YEATS4: variants seen among roughly 807,000 people sequenced by gnomAD.
YEATS4 encodes YEATS domain containing 4, also known as YEATS domain-containing protein 4.
YEATS4 carries 17 observed loss-of-function variants against 30.1 expected under a neutral mutation model. That is an observed-to-expected ratio of 0.56 (90% CI 0.39 to 0.85). The LOEUF is 0.85. YEATS4 is among the 40% of genes least tolerant of loss of function. The pLI is 0.00. For missense variants in YEATS4, 142 were observed against 268.3 expected, an observed-to-expected ratio of 0.53 and a Z score of 3.29; for synonymous variants, 85 against 87.5, an observed-to-expected ratio of 0.97 and a Z score of 0.16.
the YEATS4 span, among the ~76,000 whole-genome samples, chr12:69,403,172 C>A: frequency 7.9e-5 from 12 of 152,192 alleles, no homozygotes; most frequent in African/African-American, 2.7e-4. Context: ...ATAAGAATCA[C>A]CAACCCCAAG....
intron 6 of YEATS4, among the ~76,000 whole-genome samples, chr12:69,372,495 C>T (rs1324970568): frequency 2.0e-5 from 3 of 150,842 alleles, no homozygotes; most frequent in Non-Finnish European, 4.4e-5. Context: ...CCTTCCTACC[C>T]TCTGGTAACC....
At chr12:69,371,172 G>T (rs1875622391) in intron 6 of YEATS4, among the ~76,000 whole-genome samples, 197 bp downstream of exon 6, 1 of 152,166 alleles carries the variant, frequency 6.6e-6, no homozygotes, top group Non-Finnish European at 1.5e-5. Context: ...CTTTCAAGAA[G>T]GGTGAAAGAC....
At chr12:69,384,986 A>AT (rs564706696) in intron 6 of YEATS4, among the ~76,000 whole-genome samples, 27 of 151,372 alleles carry the variant, frequency 1.8e-4, no homozygotes, top group Admixed American at 5.3e-4. Flanking sequence ...GTGAATGACT[A>AT]TATTTGTCCT....
At chr12:69,426,191 T>A in the YEATS4 span, among the ~76,000 whole-genome samples, 1 of 152,146 alleles carries the variant, frequency 6.6e-6, no homozygotes, top group Non-Finnish European at 1.5e-5. Flanking sequence ...CAGTAAGCCA[T>A]GATTGCACCA....
At chr12:69,414,519 C>A in the YEATS4 span, among the ~76,000 whole-genome samples, 1 of 152,200 alleles carries the variant, frequency 6.6e-6, no homozygotes, top group Non-Finnish European at 1.5e-5. Context: ...GCATGAGCCA[C>A]CATGCCCGAA....
chr12:69,390,093 T>A, intron 6 of YEATS4, 54 bp from the exon 7 acceptor site: 5 of 1,414,612 alleles, frequency 3.5e-6, no homozygotes, highest in Non-Finnish European at 4.8e-6. Flanking sequence ...TACCCTGTCA[T>A]ATATCTTAAA....
intron 6 of YEATS4, among the ~76,000 whole-genome samples, chr12:69,389,154 A>AT (rs1868285571): frequency 6.6e-6 from 1 of 152,164 alleles, no homozygotes; most frequent in Non-Finnish European, 1.5e-5. Flanking sequence ...GATTTTGTTT[A>AT]TAAGTTTCAC....
At chr12:69,417,752 A>C in the YEATS4 span, among the ~76,000 whole-genome samples, 1 of 151,740 alleles carries the variant, frequency 6.6e-6, no homozygotes, top group Admixed American at 6.6e-5. Flanking sequence ...GCCGCTTGTT[A>C]CTGCAGAAAT....
chr12:69,398,274 T>C, the YEATS4 span, among the ~76,000 whole-genome samples: 1 of 151,954 alleles, frequency 6.6e-6, no homozygotes, highest in Non-Finnish European at 1.5e-5. Context: ...TATTTGGAGA[T>C]GACATAATCT....
chr12:69,415,528 T>G, the YEATS4 span, among the ~76,000 whole-genome samples: 2 of 152,104 alleles, frequency 1.3e-5, no homozygotes, highest in Admixed American at 1.3e-4. Context: ...GCCACTGCAC[T>G]CCAGCCTGGG....
At chr12:69,375,656 C>G (rs7962673) in intron 6 of YEATS4, among the ~76,000 whole-genome samples, 35,765 of 152,166 alleles carry the variant, frequency 0.24, 5,042 homozygotes, top group African/African-American at 0.4. Flanking sequence ...ATCCCGGCAC[C>G]TCGGGAGGCC....
At chr12:69,411,873 G>A in the YEATS4 span, among the ~76,000 whole-genome samples, 1 of 152,248 alleles carries the variant, frequency 6.6e-6, no homozygotes, top group Admixed American at 6.5e-5. Flanking sequence ...CAAGGGGAAG[G>A]TAGCAGATGA....
chr12:69,374,895 A>G (rs1875788371), intron 6 of YEATS4, among the ~76,000 whole-genome samples: 1 of 152,046 alleles, frequency 6.6e-6, no homozygotes. Flanking sequence ...GCTGTTAGGT[A>G]CACCTCCCAG....
intron 2 of YEATS4, among the ~76,000 whole-genome samples, chr12:69,363,152 C>T (rs572959312): frequency 5.1e-4 from 77 of 151,882 alleles, no homozygotes; most frequent in Non-Finnish European, 4.9e-4. Context: ...GCCACCACGC[C>T]CGGCTAATTT....
chr12:69,361,955 A>T (rs1875226775), intron 1 of YEATS4, among the ~76,000 whole-genome samples: 1 of 140,592 alleles, frequency 7.1e-6, no homozygotes, highest in Non-Finnish European at 1.5e-5. Flanking sequence ...AAATCAGTTT[A>T]TTTTTTAAAA....
chr12:69,410,833 G>A, the YEATS4 span, among the ~76,000 whole-genome samples: 3 of 152,308 alleles, frequency 2.0e-5, no homozygotes, highest in East Asian at 3.9e-4. Context: ...AGCCTAGACA[G>A]CAGAGCATCC....
At chr12:69,413,253 CAG>C in the YEATS4 span, among the ~76,000 whole-genome samples, 2 of 149,196 alleles carry the variant, frequency 1.3e-5, no homozygotes, top group African/African-American at 2.5e-5. Flanking sequence ...TCTCTACAAA[CAG>C]TGTTTTAGAA....
the YEATS4 span, among the ~76,000 whole-genome samples, chr12:69,414,249 G>A: frequency 6.6e-6 from 1 of 152,114 alleles, no homozygotes; most frequent in Non-Finnish European, 1.5e-5. Context: ...CTTTTTAAAA[G>A]AGATACAGTC....
chr12:69,393,343 C>G (rs1197254350), downstream of YEATS4, among the ~76,000 whole-genome samples: 1 of 152,114 alleles, frequency 6.6e-6, no homozygotes, highest in Non-Finnish European at 1.5e-5. Flanking sequence ...TGGCATCCAC[C>G]TGTAGTCCTA....
Sources: gnomAD v4.1 joint callset for allele counts (sites outside exome capture counted in the v4.1 genomes callset) on GRCh38, gnomAD v4.1.1 for gene constraint, MANE v1.5 for transcripts, NCBI Gene and HGNC (gene_info 2026-07-23, HGNC 2026-07-21) for gene names.